Variants in PHF21B observed in about 807,000 individuals in gnomAD.
PHF21B encodes the protein PHD finger protein 21B.
A neutral mutation model predicts 62.2 loss-of-function variants in PHF21B; 22 were observed. The observed-to-expected ratio is 0.35, with a 90% CI of 0.25 to 0.51. The LOEUF (loss-of-function observed/expected upper bound fraction) is 0.51, where lower values mean the gene tolerates loss of function less well. Ranked by LOEUF, PHF21B falls within the 20% of genes least tolerant of loss-of-function variation. The pLI, the probability that PHF21B is intolerant of heterozygous loss-of-function variation, is 0.97. For synonymous variants in PHF21B, 341 were observed against 314.7 expected, an observed-to-expected ratio of 1.08 and a Z score of -0.88; for missense variants, 701 against 707.9, an observed-to-expected ratio of 0.99 and a Z score of 0.11.
chr22:44,883,015 G>A lies in PHF21B; in HGVS notation c.*71C>T, dbSNP rs1217833753. 6.1e-6 allele frequency: 9 copies of A among 1,468,616 alleles called. No homozygotes were observed. Among genetic ancestry groups the A allele is most frequent in the South Asian group, 2.6e-5 (2 of 76,250 alleles). The allele number at this position is 1,468,616 out of a possible 1,614,324, so 91.0% of individuals were successfully genotyped here. On this transcript the variant is annotated 3_prime_UTR_variant, in exon 13 of 13. Coordinates refer to ENST00000313237, the MANE Select transcript of PHF21B (RefSeq NM_138415.5). ...TTCATAGTGTTTATGAATTAAGGCC[G>A]ACAGAACCCCCAGGCTGTGTAAGCA...
intron 2 of PHF21B, among the ~76,000 whole-genome samples, chr22:44,942,328 TAGGACCCTGGGGGCACCCTCTGCCCG>T (rs1179133332): frequency 2.6e-5 from 4 of 152,040 alleles, no homozygotes; most frequent in Non-Finnish European, 5.9e-5. Flanking sequence ...TGATCCACAG[TAGGACCCTGGGGGCACCCTCTGCCCG>T]AGGACCCTGG....
rs979828846 is a variant in PHF21B at position 44,882,059 on chromosome 22, C to G, written c.*1027G>C. The G allele has an allele frequency of 6.5e-6, 1 of 152,762 alleles. No homozygotes were observed. Among genetic ancestry groups the G allele is most frequent in the Non-Finnish European group, 1.5e-5 (1 of 68,058 alleles). The allele number at this position is 152,762 out of a possible 1,614,324, so 9.5% of individuals were successfully genotyped here. On this transcript the variant is annotated 3_prime_UTR_variant, in exon 13 of 13. Transcript: ENST00000313237. The stretch of plus-strand genomic sequence containing the variant: ...CAGAAAGGAAGTCAGCCAGAGTCCC[C>G]CCAACCATTCACATTAAATATCTCA...
At chr22:44,953,743 A>G (rs967306416) in intron 2 of PHF21B, among the ~76,000 whole-genome samples, 5 of 152,230 alleles carry the variant, frequency 3.3e-5, no homozygotes. Flanking sequence ...ACCCATTAGT[A>G]TCACAAGCAA....
At chr22:44,922,342 T>C (rs1351728011) in intron 2 of PHF21B, among the ~76,000 whole-genome samples, 1 of 152,076 alleles carries the variant, frequency 6.6e-6, no homozygotes, top group Non-Finnish European at 1.5e-5. Flanking sequence ...TATATAAAAA[T>C]CAGTTGTGGG....
chr22:45,007,292 A>G (rs2073334691), intron 2 of PHF21B, among the ~76,000 whole-genome samples: 1 of 151,824 alleles, frequency 6.6e-6, no homozygotes, highest in East Asian at 2.0e-4. Flanking sequence ...ACTCGACACG[A>G]ACGCCCGGCC....
intron 2 of PHF21B, among the ~76,000 whole-genome samples, chr22:44,995,373 A>G (rs1011647863): frequency 8.7e-4 from 132 of 152,154 alleles, no homozygotes; most frequent in Non-Finnish European, 1.3e-4. Context: ...CGTTAATAAA[A>G]TAACTCCAAC....
At position 44,998,966 on chromosome 22, in the gene PHF21B, C is replaced by T. The variant is rs533022781; in HGVS notation, c.120+9579G>A. Among the ~76,000 whole-genome samples the T allele has an allele frequency of 2.6e-5, 4 of 152,294 alleles. No individual in the cohort carries two copies. In the East Asian group the frequency reaches 7.7e-4, roughly 29 times the overall value. ...ATCCCTCTTCAGGATGAGGGTTTGA[C>T]TCAACCCTGAGCAAAAAAATAAAAA... is the stretch of plus-strand genomic sequence containing the variant. On this transcript the variant is annotated intron_variant, in intron 2 of 12. Transcript: ENST00000313237.
intron 2 of PHF21B, among the ~76,000 whole-genome samples, chr22:44,926,315 T>C (rs1004614740): frequency 1.3e-5 from 2 of 152,188 alleles, no homozygotes; most frequent in East Asian, 1.9e-4. Flanking sequence ...CCCGTAAGTG[T>C]GTGCATGAGG....
rs757745678 is a variant in PHF21B at position 44,916,476 on chromosome 22, A to G, written c.368T>C (p.Val123Ala). 6.2e-7 allele frequency: 1 copy of G among 1,606,356 alleles called. No homozygotes were observed. Among genetic ancestry groups the G allele is most frequent in the Non-Finnish European group, 8.5e-7 (1 of 1,178,992 alleles). The change falls in exon 4 of 13, where the codon GTG (valine) becomes GCG (alanine). Residue 123 changes from valine to alanine, a missense_variant. Coordinates refer to ENST00000313237, the MANE Select transcript of PHF21B (RefSeq NM_138415.5). Reference sequence around the variant, plus strand: ...CTGGGGCTGGCTGCCGGGCGCTGGCACATGGCTGACAGTGTTGTTGGCGGT... The same window carrying G: ...CTGGGGCTGGCTGCCGGGCGCTGGCGCATGGCTGACAGTGTTGTTGGCGGT... ...LPTANNTVSHVPAPGSQPQAL... is the reference protein window; with the variant it reads ...LPTANNTVSHAPAPGSQPQAL...
In PHF21B at chr22:44,937,375, A is replaced by C. The variant is rs556145910; in HGVS notation, c.121-16885T>G. Among the ~76,000 whole-genome samples the C allele has an allele frequency of 7.2e-5, 11 of 152,336 alleles. No homozygotes were observed. In the South Asian group the frequency reaches 2.3e-3, roughly 32 times the overall value. ...ACAGCCAGGCGGCCACCAGGTGTGA[A>C]CACAGGTGCACACTCAGCACAGGTG... On this transcript the variant is annotated intron_variant, in intron 2 of 12. Coordinates refer to ENST00000313237, the MANE Select transcript of PHF21B (RefSeq NM_138415.5).
chr22:44,934,936 A>G (rs1465986970), intron 2 of PHF21B, among the ~76,000 whole-genome samples: 1 of 152,134 alleles, frequency 6.6e-6, no homozygotes, highest in East Asian at 1.9e-4. Flanking sequence ...GAGACCTTCC[A>G]GGAGCGTGGG....
chr22:44,923,340 A>C (rs985943685), intron 2 of PHF21B, among the ~76,000 whole-genome samples: 3 of 152,130 alleles, frequency 2.0e-5, no homozygotes, highest in African/African-American at 7.2e-5. Context: ...TCAAAAAAAA[A>C]AAAAAAAGAA....
At chr22:44,890,766 G>T (rs1338672690) in intron 8 of PHF21B, among the ~76,000 whole-genome samples, 2 of 152,242 alleles carry the variant, frequency 1.3e-5, no homozygotes, top group African/African-American at 4.8e-5. Flanking sequence ...GAGGCCTGAG[G>T]CCAGGTTCCA....
At chr22:44,938,504 A>T (rs1428660677) in intron 2 of PHF21B, among the ~76,000 whole-genome samples, 1 of 152,222 alleles carries the variant, frequency 6.6e-6, no homozygotes, top group Non-Finnish European at 1.5e-5. Flanking sequence ...AAGTGCTGGG[A>T]CTACAGGCGT....
chr22:44,938,213 TAC>T (rs1016221059), intron 2 of PHF21B, among the ~76,000 whole-genome samples: 1 of 152,172 alleles, frequency 6.6e-6, no homozygotes, highest in African/African-American at 2.4e-5. Flanking sequence ...TAGCTGGGAT[TAC>T]AGATGCCTGC....
intron 2 of PHF21B, among the ~76,000 whole-genome samples, chr22:44,980,649 A>G (rs75149755): frequency 1.3e-5 from 2 of 152,212 alleles, no homozygotes; most frequent in African/African-American, 2.4e-5. Flanking sequence ...AAATCCATAC[A>G]AGTCAAGCCA....
chr22:44,979,655 C>T (rs2072801433), intron 2 of PHF21B, among the ~76,000 whole-genome samples: 1 of 152,236 alleles, frequency 6.6e-6, no homozygotes, highest in Non-Finnish European at 1.5e-5. Flanking sequence ...ACTTGGTGTC[C>T]ATGACTATCT....
chr22:44,957,263 C>T (rs924717622), intron 2 of PHF21B, among the ~76,000 whole-genome samples: 46 of 152,258 alleles, frequency 3.0e-4, no homozygotes, highest in Non-Finnish European at 6.5e-4. Context: ...AGGCACCGGA[C>T]GGTGCACTTT....
chr22:44,971,819 C>T (rs1048425261), intron 2 of PHF21B, among the ~76,000 whole-genome samples: 5 of 152,242 alleles, frequency 3.3e-5, no homozygotes, highest in Admixed American at 3.3e-4. Context: ...CGTCTGTCTC[C>T]CAAGCTCAGC....
Sources: gnomAD v4.1 joint callset for allele counts (sites outside exome capture counted in the v4.1 genomes callset) on GRCh38, gnomAD v4.1.1 for gene constraint, MANE v1.5 for transcripts, NCBI Gene and HGNC (gene_info 2026-07-23, HGNC 2026-07-21) for gene names.